The following PLCH1 variants were observed in gnomAD, a reference collection of about 807,000 sequenced individuals.
The protein encoded by PLCH1 is 1-phosphatidylinositol 4,5-bisphosphate phosphodiesterase eta-1.
PLCH1 carries 60 observed loss-of-function variants against 126.7 expected under a neutral mutation model. The ratio of observed to expected loss-of-function variants is 0.47; its 90% CI spans 0.38 to 0.59. PLCH1 has a LOEUF of 0.59. Among genes scored for constraint, PLCH1 ranks in the 20% least tolerant of loss-of-function variants. The pLI, the probability that PLCH1 is intolerant of heterozygous loss-of-function variation, is 0.00. For missense variants in PLCH1, 1,723 were observed against 2,040.0 expected (o/e 0.84, Z 2.99); for synonymous variants, 719 against 734.9 (o/e 0.98, Z 0.35).
Position 155,517,294 on chromosome 3 carries a change from G to A in PLCH1, c.1471-2410C>T, listed in dbSNP as rs527626856. On this transcript the variant is annotated intron_variant, in intron 11 of 22. Coordinates refer to ENST00000460012, the MANE Select transcript of PLCH1 (RefSeq NM_014996.4). The stretch of plus-strand genomic sequence containing the variant: ...ATCACTCCAGCCTGAGCCACAGAGC[G>A]AAGCCCTGTCTCTAAAAAATAATAA... Among the ~76,000 whole-genome samples the A allele has an allele frequency of 9.2e-5, 14 of 152,286 alleles. No individual in the cohort carries two copies. The East Asian group carries it at 1.5e-3, about 17-fold the overall frequency.
chr3:155,669,626 A>C (rs771820335), intron 2 of PLCH1, among the ~76,000 whole-genome samples: 16 of 152,196 alleles, frequency 1.1e-4, no homozygotes, highest in Admixed American at 6.5e-5. Context: ...TTTTAAAACC[A>C]TCAGTGAGAA....
chr3:155,502,417 G>C (rs1039541732), intron 13 of PLCH1, among the ~76,000 whole-genome samples: 3 of 152,018 alleles, frequency 2.0e-5, no homozygotes, highest in Non-Finnish European at 4.4e-5. Context: ...CTTATAACTT[G>C]AGGTATGATA....
At chr3:155,512,420 C>G (rs1485402631) in intron 12 of PLCH1, among the ~76,000 whole-genome samples, 1 of 152,158 alleles carries the variant, frequency 6.6e-6, no homozygotes. Context: ...GATTACAACA[C>G]ACTGTCATAA....
intron 9 of PLCH1, among the ~76,000 whole-genome samples, chr3:155,553,413 A>G (rs930877259): frequency 6.6e-6 from 1 of 152,188 alleles, no homozygotes; most frequent in Admixed American, 6.5e-5. Context: ...GGCCTCACTG[A>G]GTATGTTTCA....
intron 11 of PLCH1, among the ~76,000 whole-genome samples, chr3:155,516,812 G>A (rs1443509961): frequency 1.3e-5 from 2 of 151,920 alleles, no homozygotes; most frequent in Non-Finnish European, 2.9e-5. Context: ...TATTAAAGAG[G>A]AATACCCCCC....
At chr3:155,729,736 G>A (rs906438464) in intron 1 of PLCH1, among the ~76,000 whole-genome samples, 1 of 152,048 alleles carries the variant, frequency 6.6e-6, no homozygotes, top group African/African-American at 2.4e-5. Flanking sequence ...CAGCCTAAGT[G>A]ACATGGTGAA....
chr3:155,689,829 A>C (rs1745238843), intron 2 of PLCH1, among the ~76,000 whole-genome samples: 1 of 152,152 alleles, frequency 6.6e-6, no homozygotes, highest in Non-Finnish European at 1.5e-5. Flanking sequence ...GGCCTTAAAG[A>C]GGAAGTAGAG....
At chr3:155,477,813 A>G (rs1054759749), downstream of PLCH1, among the ~76,000 whole-genome samples, 1 of 152,176 alleles carries the variant, frequency 6.6e-6, no homozygotes, top group Non-Finnish European at 1.5e-5. Flanking sequence ...ATAAATTAGC[A>G]TAACTACTAT....
At chr3:155,709,144 T>G (rs1019135075) in intron 1 of PLCH1, among the ~76,000 whole-genome samples, 1 of 152,226 alleles carries the variant, frequency 6.6e-6, no homozygotes, top group Non-Finnish European at 1.5e-5. Context: ...AATATTCCAT[T>G]GTCTGGATGT....
rs763143907 is a variant in PLCH1 at position 155,565,135 on chromosome 3, G to C, written c.866-17C>G. On this transcript the variant is annotated splice_polypyrimidine_tract_variant and intron_variant, in intron 7 of 22. Coordinates refer to ENST00000460012, the MANE Select transcript of PLCH1 (RefSeq NM_014996.4). ...TCGTGAAGCCTTTGGAAGAAAGAGAGTGACTTACTACAGCTTTCAAAGCAT... is the reference window on the plus strand; with the variant it reads ...TCGTGAAGCCTTTGGAAGAAAGAGACTGACTTACTACAGCTTTCAAAGCAT... The C allele has an allele frequency of 4.4e-6, 7 of 1,574,218 alleles. No individual in the cohort carries two copies. The highest frequency in any genetic ancestry group is 6.1e-6 in the Non-Finnish European group (7 of 1,143,868).
intron 2 of PLCH1, among the ~76,000 whole-genome samples, chr3:155,677,376 A>T (rs1296234920): frequency 6.6e-6 from 1 of 152,224 alleles, no homozygotes; most frequent in Non-Finnish European, 1.5e-5. Context: ...TACACTATTT[A>T]CTTTCAAATA....
rs753258422 is a variant in PLCH1, at chr3:155,659,302, C to CTT, written c.79+44842_79+44843dup. ...CCAGGCGTGAGATGTCTATTCACTT[C>CTT]TTTTTTTTTTTTTTTTTTTTTTTTT... is the stretch of plus-strand genomic sequence containing the variant. On this transcript the variant is annotated intron_variant, in intron 2 of 22. Transcript: ENST00000460012. Among the ~76,000 whole-genome samples, 181 of 30,842 alleles carry CTT rather than the reference C, an allele frequency of 5.9e-3. 68 individuals are homozygous for CTT. Among genetic ancestry groups the CTT allele is most frequent in the Non-Finnish European group, 9.5e-3 (131 of 13,862 alleles). 20.2% of individuals were successfully genotyped at this position (30,842 alleles called of 152,430 possible). A position where few individuals can be genotyped will look rare whatever the true frequency, so the allele number is the denominator to read the frequency against.
At chr3:155,505,533 CA>C (rs1282945709) in intron 12 of PLCH1, among the ~76,000 whole-genome samples, 1 of 152,006 alleles carries the variant, frequency 6.6e-6, no homozygotes, top group Non-Finnish European at 1.5e-5. Flanking sequence ...CAGTTAAAGC[CA>C]AAAGGTTGGG....
intron 2 of PLCH1, among the ~76,000 whole-genome samples, chr3:155,620,022 C>CTT (rs1431492863): frequency 1.3e-5 from 2 of 152,168 alleles, no homozygotes; most frequent in African/African-American, 4.8e-5. Flanking sequence ...TGCTGAGTAA[C>CTT]TAAGTGTTCA....
intron 2 of PLCH1, among the ~76,000 whole-genome samples, chr3:155,686,813 G>A (rs1744986676): frequency 6.6e-6 from 1 of 152,174 alleles, no homozygotes; most frequent in Non-Finnish European, 1.5e-5. Context: ...TGAGGTCCTT[G>A]AAGTCTTTCC....
At chr3:155,477,416 G>C (rs574777065), downstream of PLCH1, among the ~76,000 whole-genome samples, 1 of 152,110 alleles carries the variant, frequency 6.6e-6, no homozygotes, top group Non-Finnish European at 1.5e-5. Flanking sequence ...AAGTTAAAAG[G>C]CTTCTGCACA....
intron 12 of PLCH1, among the ~76,000 whole-genome samples, chr3:155,505,213 C>T (rs1222633999): frequency 6.6e-6 from 1 of 152,030 alleles, no homozygotes; most frequent in Non-Finnish European, 1.5e-5. Context: ...TGAAATAATT[C>T]CCTCTGTGAT....
At chr3:155,672,510 T>C (rs949339402) in intron 2 of PLCH1, among the ~76,000 whole-genome samples, 13 of 152,266 alleles carry the variant, frequency 8.5e-5, no homozygotes, top group Admixed American at 4.6e-4. Flanking sequence ...TTTGGACTGA[T>C]TATGCAAGCA....
At chr3:155,615,508 A>C (rs1735692716) in intron 2 of PLCH1, among the ~76,000 whole-genome samples, 1 of 152,228 alleles carries the variant, frequency 6.6e-6, no homozygotes, top group South Asian at 2.1e-4. Flanking sequence ...AGTACAATTC[A>C]CAATTGCAAA....
Sources: gnomAD v4.1 joint callset for allele counts (sites outside exome capture counted in the v4.1 genomes callset) on GRCh38, gnomAD v4.1.1 for gene constraint, MANE v1.5 for transcripts, NCBI Gene and HGNC (gene_info 2026-07-23, HGNC 2026-07-21) for gene names.